The following BTBD8 variants were observed in gnomAD, a reference collection of about 807,000 sequenced individuals.
BTBD8 encodes the protein BTB/POZ domain-containing protein 8.
Under a neutral mutation model 162.9 loss-of-function variants are expected in BTBD8, and 110 were observed. That is an observed-to-expected ratio of 0.68 (90% confidence interval 0.58 to 0.79). The LOEUF (loss-of-function observed/expected upper bound fraction) is 0.79. Among genes scored for constraint, BTBD8 ranks in the 30% least tolerant of loss-of-function variants. The pLI, the probability that BTBD8 is intolerant of heterozygous loss-of-function variation, is 0.00. For synonymous variants in BTBD8, 667 were observed against 716.1 expected (o/e 0.93, Z 1.10); for missense variants, 1,905 against 2,085.4 (o/e 0.91, Z 1.68).
At chr1:92,083,446 G>T (rs1324081380) in intron 1 of BTBD8, among the ~76,000 whole-genome samples, 2 of 152,078 alleles carry the variant, frequency 1.3e-5, no homozygotes, top group Admixed American at 6.5e-5. Flanking sequence ...GCTAACCTTG[G>T]TTTAGCCCAT....
intron 6 of BTBD8, chr1:92,139,643 A>T: frequency 1.0e-6 from 1 of 972,938 alleles, no homozygotes. Context: ...AAGATTGAGA[A>T]CAGTCTTTAT....
chr1:92,115,467 T>C (rs573030485), intron 4 of BTBD8: 15 of 468,074 alleles, frequency 3.2e-5, no homozygotes, highest in African/African-American at 1.4e-4. Context: ...GGCTCCACCC[T>C]CTAAGTGAGC....
intron 5 of BTBD8, among the ~76,000 whole-genome samples, chr1:92,135,359 AT>A (rs1425701539): frequency 6.6e-6 from 1 of 152,104 alleles, no homozygotes; most frequent in Non-Finnish European, 1.5e-5. Context: ...ATAATTTTTT[AT>A]TTTTAGTAGA....
rs1650903338 is a variant in BTBD8, at chr1:92,181,443, A to G, written c.3760A>G (p.Ser1254Gly). 5.8e-6 allele frequency: 9 copies of G among 1,551,634 alleles called. No homozygotes were observed. Among genetic ancestry groups the G allele is most frequent in the Non-Finnish European group, 1.7e-6 (2 of 1,146,990 alleles). The change falls in exon 17 of 18, where the codon AGT (serine) becomes GGT (glycine). Residue 1254 changes from serine to glycine, a missense_variant. By Grantham distance (56) the Ser-to-Gly change is moderately conservative. Coordinates refer to ENST00000636805, the MANE Select transcript of BTBD8 (RefSeq NM_001376131.1). ...QRESPESDTG[S>G]ATTSSDDIKP... ...AGAGAGTCCTGAATCTGACACTGGC[A>G]GTGCTACCACCTCCTCCGATGACAT...
At chr1:92,149,187 G>A (rs1201488653) in intron 9 of BTBD8, among the ~76,000 whole-genome samples, 1 of 152,116 alleles carries the variant, frequency 6.6e-6, no homozygotes, top group African/African-American at 2.4e-5. Flanking sequence ...TAATATGTTT[G>A]TCTATATATT....
chr1:92,126,342 G>A (rs572125075), intron 4 of BTBD8: 32 of 606,204 alleles, frequency 5.3e-5, no homozygotes, highest in South Asian at 3.8e-4. Flanking sequence ...TGCCACAGTG[G>A]TTGTACATGG....
intron 9 of BTBD8, among the ~76,000 whole-genome samples, chr1:92,157,863 C>T (rs953858769): frequency 3.9e-5 from 6 of 152,058 alleles, no homozygotes; most frequent in Non-Finnish European, 7.4e-5. Flanking sequence ...CTTTGTATTG[C>T]TTTCTCTCTC....
chr1:92,129,878 A>G, intron 5 of BTBD8, 102 bp downstream of exon 5: 3 of 985,114 alleles, frequency 3.0e-6, no homozygotes, highest in Non-Finnish European at 4.8e-6. Context: ...GTTCAAGGAA[A>G]TATTTCTCAT....
chr1:92,183,759 T>G, intron 17 of BTBD8, 105 bp from the exon 18 acceptor site: 2 of 546,322 alleles, frequency 3.7e-6, no homozygotes, highest in South Asian at 5.7e-5. Flanking sequence ...TTCTGTGTTT[T>G]TTTTTTTTTT....
chr1:92,122,968 T>G (rs1165135466), intron 4 of BTBD8, among the ~76,000 whole-genome samples: 1 of 152,248 alleles, frequency 6.6e-6, no homozygotes, highest in Non-Finnish European at 1.5e-5. Flanking sequence ...TTGCCCATAT[T>G]TTAATTGGGT....
chr1:92,092,395 A>C (rs1271561998), intron 2 of BTBD8, among the ~76,000 whole-genome samples: 2 of 12,784 alleles, frequency 1.6e-4, no homozygotes, highest in African/African-American at 1.7e-3. Context: ...GGCTATCTCC[A>C]AAAAAAAAAA....
At chr1:92,120,183 C>T (rs555388240) in intron 4 of BTBD8, among the ~76,000 whole-genome samples, 4 of 152,164 alleles carry the variant, frequency 2.6e-5, no homozygotes, top group East Asian at 1.9e-4. Context: ...TGAGCCACCG[C>T]GCCTGGCCTA....
chr1:92,158,971 T>A (rs1289667533), intron 9 of BTBD8, among the ~76,000 whole-genome samples: 2 of 151,998 alleles, frequency 1.3e-5, no homozygotes, highest in Non-Finnish European at 2.9e-5. Context: ...TGCCTAGGCT[T>A]GCCTCAAACT....
chr1:92,136,028 T>C (rs1286044330), intron 5 of BTBD8, among the ~76,000 whole-genome samples: 1 of 152,220 alleles, frequency 6.6e-6, no homozygotes, highest in Non-Finnish European at 1.5e-5. Context: ...CTGTAGTACA[T>C]AAATGAGAAC....
chr1:92,105,864 A>C (rs1216450724), intron 3 of BTBD8, among the ~76,000 whole-genome samples: 1 of 152,134 alleles, frequency 6.6e-6, no homozygotes. Context: ...GTTATAACTA[A>C]GTGTTTGCCT....
intron 9 of BTBD8, chr1:92,150,740 G>C (rs1048707616): frequency 6.6e-6 from 1 of 152,218 alleles, no homozygotes; most frequent in African/African-American, 2.4e-5. Flanking sequence ...AGAGATGCCA[G>C]TTCACTAAAT....
At chr1:92,108,145 T>A in intron 4 of BTBD8, 144 bp downstream of exon 4, 1 of 790,414 alleles carries the variant, frequency 1.3e-6, no homozygotes, top group Non-Finnish European at 2.1e-6. Context: ...GGTTCCACTG[T>A]GATTCCTCAG....
chr1:92,110,176 C>T (rs947495187), intron 4 of BTBD8, among the ~76,000 whole-genome samples: 2 of 152,214 alleles, frequency 1.3e-5, no homozygotes, highest in African/African-American at 4.8e-5. Flanking sequence ...TGCTGAAAGA[C>T]AGTCTGATGC....
At chr1:92,169,826 C>G (rs1372135019) in intron 12 of BTBD8, among the ~76,000 whole-genome samples, 1 of 152,116 alleles carries the variant, frequency 6.6e-6, no homozygotes, top group Non-Finnish European at 1.5e-5. Flanking sequence ...AGAATAGGAT[C>G]TGCTTTTACA....
Sources: allele counts gnomAD v4.1 joint callset (sites outside exome capture counted in the v4.1 genomes callset), GRCh38; gene constraint gnomAD v4.1.1; transcripts MANE v1.5; gene names NCBI Gene and HGNC (gene_info 2026-07-23, HGNC 2026-07-21).